Variants in SMN1 observed in about 807,000 individuals in gnomAD.
SMN1 encodes survival motor neuron protein.
For missense variants in SMN1, 15 were observed against 17.1 expected, an observed-to-expected ratio of 0.88 and a Z score of 0.22; for synonymous variants, 3 against 5.1, an observed-to-expected ratio of 0.58 and a Z score of 0.56.
At chr5:70,950,081 AT>A (rs1177027207) in intron 7 of SMN1, among the ~76,000 whole-genome samples, 1 of 146,920 alleles carries the variant, frequency 6.8e-6, no homozygotes, top group Non-Finnish European at 1.5e-5. Flanking sequence ...AAAAAAAAAA[AT>A]AAGGTATAAG....
At chr5:70,959,151 C>T in the SMN1 span, among the ~76,000 whole-genome samples, 6 of 148,386 alleles carry the variant, frequency 4.0e-5, no homozygotes, top group African/African-American at 7.4e-5. Context: ...TAAACTATCG[C>T]AAGGACAAAA....
chr5:70,947,163 T>C (rs1425583668), intron 7 of SMN1, among the ~76,000 whole-genome samples: 4 of 3,458 alleles, frequency 1.2e-3, no homozygotes, highest in Middle Eastern at 0.077. Context: ...TCTCCTGACC[T>C]CGTGATCCAC....
intron 5 of SMN1, 160 bp from the exon 6 acceptor site, chr5:70,944,494 CTGTT>C (rs1749512613): frequency 5.4e-6 from 1 of 184,320 alleles, no homozygotes; most frequent in African/African-American, 3.5e-5. Context: ...ACTTATGAGT[CTGTT>C]TGACTTCAGG....
intron 5 of SMN1, among the ~76,000 whole-genome samples, chr5:70,943,755 G>A (rs1372685231): frequency 1.2e-3 from 172 of 139,050 alleles, no homozygotes; most frequent in African/African-American, 4.0e-3. Flanking sequence ...TGTGTAAAGC[G>A]GTGATTTCTT....
downstream of SMN1, among the ~76,000 whole-genome samples, chr5:70,958,838 G>C (rs558774534): frequency 6.6e-6 from 1 of 150,534 alleles, no homozygotes; most frequent in East Asian, 1.9e-4. Context: ...CATTGTGGAA[G>C]TCAGTGTGGT....
chr5:70,950,207 C>A (rs891832875), intron 7 of SMN1, among the ~76,000 whole-genome samples: 1 of 149,640 alleles, frequency 6.7e-6, no homozygotes, highest in Non-Finnish European at 1.5e-5. Context: ...CACCTGAAGT[C>A]GGGAGTTCCA....
intron 1 of SMN1, among the ~76,000 whole-genome samples, chr5:70,935,681 C>A (rs1168597698): frequency 6.6e-6 from 1 of 152,250 alleles, no homozygotes; most frequent in Non-Finnish European, 1.5e-5. Context: ...TGAACCTGGG[C>A]GGCAGAGGTT....
chr5:70,951,400 A>G (rs1445042020), intron 7 of SMN1, among the ~76,000 whole-genome samples: 1 of 151,896 alleles, frequency 6.6e-6, no homozygotes, highest in Non-Finnish European at 1.5e-5. Flanking sequence ...CAGCCTCCCA[A>G]GTAGCTGGGA....
intron 1 of SMN1, among the ~76,000 whole-genome samples, chr5:70,935,659 A>G (rs1749404507): frequency 6.6e-6 from 1 of 152,268 alleles, no homozygotes; most frequent in Non-Finnish European, 1.5e-5. Context: ...AGACTGAGGC[A>G]GGAGAATCAC....
At chr5:70,951,879 C>A in intron 7 of SMN1, 62 bp from the exon 8 acceptor site, 1 of 1,367,808 alleles carries the variant, frequency 7.3e-7, no homozygotes, top group East Asian at 2.3e-5. Flanking sequence ...ATAAAGCTAT[C>A]TATATATAGC....
At chr5:70,960,370 G>T in the SMN1 span, among the ~76,000 whole-genome samples, 1 of 149,250 alleles carries the variant, frequency 6.7e-6, no homozygotes, top group South Asian at 2.2e-4. Flanking sequence ...CATACACAGA[G>T]GTGAAAAATT....
downstream of SMN1, among the ~76,000 whole-genome samples, chr5:70,954,903 C>CAAAAAAAAAAA (rs1561504537): frequency 1.4e-4 from 2 of 14,120 alleles, 1 homozygote; most frequent in Non-Finnish European, 2.2e-4. Flanking sequence ...AAAAAAAAAA[C>CAAAAAAAAAAA]AAAACACGTT....
chr5:70,959,446 A>T, the SMN1 span, among the ~76,000 whole-genome samples: 46 of 129,756 alleles, frequency 3.5e-4, 1 homozygote, highest in Middle Eastern at 7.5e-3. Context: ...TTAAAAATTT[A>T]AAAAAAAGCT....
Position 70,952,007 on chromosome 5 carries a change from G to A in SMN1, c.*3+13G>A, listed in dbSNP as rs766378848. 1.2e-6 allele frequency: 2 copies of A among 1,611,946 alleles called. No individual in the cohort carries two copies. The highest frequency in any genetic ancestry group is 1.7e-6 in the Non-Finnish European group (2 of 1,178,630). ...CTTAAATTAAGGAGTAAGTCTGCCA[G>A]CATTATGAAAGTGAATCTTACTTTT... On this transcript the variant is annotated intron_variant, in intron 8 of 8. Coordinates refer to ENST00000380707, the MANE Select transcript of SMN1 (RefSeq NM_000344.4).
At chr5:70,943,572 A>G (rs1749453273) in intron 5 of SMN1, among the ~76,000 whole-genome samples, 1 of 63,306 alleles carries the variant, frequency 1.6e-5, no homozygotes, top group South Asian at 6.4e-4. Context: ...TTTACATCTA[A>G]TATAGATAAA....
At chr5:70,957,394 G>A (rs1172957052), downstream of SMN1, among the ~76,000 whole-genome samples, 7 of 130,116 alleles carry the variant, frequency 5.4e-5, no homozygotes, top group African/African-American at 1.7e-4. Context: ...TGTCTTGTGC[G>A]TGTTTTCAAA....
At chr5:70,952,090 G>A (rs1317376161) in intron 8 of SMN1, 96 bp downstream of exon 8, 2 of 1,593,642 alleles carry the variant, frequency 1.3e-6, no homozygotes, top group African/African-American at 2.7e-5. Flanking sequence ...AAGTTCAGAT[G>A]TTAAAAAGTT....
chr5:70,952,004 C>G lies in SMN1; in HGVS notation c.*3+10C>G, dbSNP rs750182922. The G allele has an allele frequency of 1.2e-6, 2 of 1,611,910 alleles. No homozygotes were observed. The highest frequency in any genetic ancestry group is 2.2e-5 in the South Asian group (2 of 90,962). On this transcript the variant is annotated intron_variant, in intron 8 of 8. Transcript: ENST00000380707. ...TTCCTTAAATTAAGGAGTAAGTCTGCCAGCATTATGAAAGTGAATCTTACT... is the reference window on the plus strand; with the variant it reads ...TTCCTTAAATTAAGGAGTAAGTCTGGCAGCATTATGAAAGTGAATCTTACT...
intron 5 of SMN1, among the ~76,000 whole-genome samples, chr5:70,943,585 C>T (rs1053232430): frequency 1.6e-5 from 1 of 63,442 alleles, no homozygotes; most frequent in Non-Finnish European, 3.5e-5. Context: ...TAGATAAAAT[C>T]CTGAGGCGCT....
Sources: allele counts gnomAD v4.1 joint callset (sites outside exome capture counted in the v4.1 genomes callset), GRCh38; gene constraint gnomAD v4.1.1; transcripts MANE v1.5; gene names NCBI Gene and HGNC (gene_info 2026-07-23, HGNC 2026-07-21).